Variants in DIAPH3 observed in about 807,000 individuals in gnomAD.
DIAPH3 encodes the protein diaphanous related formin 3.
In DIAPH3, 117 loss-of-function variants were observed where a neutral mutation model predicts 144.3. The ratio of observed to expected loss-of-function variants is 0.81; its 90% CI spans 0.70 to 0.95. The LOEUF is 0.95. DIAPH3 is among the 40% of genes least tolerant of loss of function. The pLI is 0.00. For missense variants in DIAPH3, 1,421 were observed against 1,412.7 expected (o/e 1.01, Z -0.09); for synonymous variants, 519 against 488.9 (o/e 1.06, Z -0.81).
intron 4 of DIAPH3, among the ~76,000 whole-genome samples, chr13:60,069,178 C>T (rs772166015): frequency 6.6e-6 from 1 of 151,966 alleles, no homozygotes; most frequent in African/African-American, 2.4e-5. Context: ...ACAGCCATTC[C>T]GACTGGTGTG....
intron 4 of DIAPH3, among the ~76,000 whole-genome samples, chr13:60,065,834 T>C (rs2056941741): frequency 6.6e-6 from 1 of 152,178 alleles, no homozygotes; most frequent in South Asian, 2.1e-4. Flanking sequence ...GGTAATTAAG[T>C]ATGTTTCTAA....
chr13:59,988,231 C>G (rs1164972069), intron 12 of DIAPH3, among the ~76,000 whole-genome samples: 2 of 151,768 alleles, frequency 1.3e-5, no homozygotes, highest in Non-Finnish European at 2.9e-5. Context: ...TCTATTTGTT[C>G]AAGTTCTTTC....
chr13:59,983,278 T>A (rs1001715099), intron 13 of DIAPH3, among the ~76,000 whole-genome samples: 1 of 150,838 alleles, frequency 6.6e-6, no homozygotes, highest in Non-Finnish European at 1.5e-5. Context: ...AATATTTTCT[T>A]ATTGAACTCT....
chr13:59,690,458 C>T (rs756630018), intron 27 of DIAPH3, among the ~76,000 whole-genome samples: 3 of 152,122 alleles, frequency 2.0e-5, no homozygotes, highest in Non-Finnish European at 4.4e-5. Context: ...CCCTAGACTG[C>T]ATTTTCTATA....
intron 27 of DIAPH3, among the ~76,000 whole-genome samples, chr13:59,708,339 T>C (rs765150674): frequency 1.2e-4 from 19 of 152,220 alleles, no homozygotes; most frequent in South Asian, 2.1e-4. Flanking sequence ...TTGAAAGAGT[T>C]ACCTACAATC....
At chr13:60,152,297 T>C (rs1951824517) in intron 1 of DIAPH3, among the ~76,000 whole-genome samples, 2 of 152,082 alleles carry the variant, frequency 1.3e-5, no homozygotes, top group Non-Finnish European at 2.9e-5. Flanking sequence ...CAAGAGGGTG[T>C]GTACTTAGAC....
At chr13:59,675,131 T>G (rs1321146026) in intron 27 of DIAPH3, among the ~76,000 whole-genome samples, 1 of 152,160 alleles carries the variant, frequency 6.6e-6, no homozygotes, top group East Asian at 1.9e-4. Flanking sequence ...GATGGTGCCA[T>G]GATGGCTCAT....
chr13:59,914,963 G>A (rs1027224513), intron 19 of DIAPH3, among the ~76,000 whole-genome samples: 2 of 152,122 alleles, frequency 1.3e-5, no homozygotes, highest in Non-Finnish European at 2.9e-5. Context: ...GGAGCTGAAT[G>A]TACTTTGGAC....
chr13:59,765,123 A>C (rs949018467), intron 27 of DIAPH3, among the ~76,000 whole-genome samples: 1 of 152,168 alleles, frequency 6.6e-6, no homozygotes, highest in Non-Finnish European at 1.5e-5. Flanking sequence ...CTATTTTAAA[A>C]ACAAAATTCT....
intron 17 of DIAPH3, among the ~76,000 whole-genome samples, chr13:59,938,453 G>A (rs753148185): frequency 2.0e-5 from 3 of 151,982 alleles, no homozygotes; most frequent in East Asian, 1.9e-4. Flanking sequence ...CACAAAAAAC[G>A]TAAAAATTAG....
At chr13:60,008,682 G>A in intron 8 of DIAPH3, 33 bp from the exon 9 acceptor site, 1 of 1,332,524 alleles carries the variant, frequency 7.5e-7, no homozygotes, top group South Asian at 1.2e-5. Context: ...TAAATTGCAA[G>A]TAGCAAACAC....
chr13:59,984,894 C>G (rs879507191), intron 12 of DIAPH3, among the ~76,000 whole-genome samples: 2 of 107,956 alleles, frequency 1.9e-5, no homozygotes, highest in African/African-American at 7.3e-5. Context: ...ACCAGAGGTA[C>G]AAGGAGGAAC....
At chr13:60,001,219 A>G (rs2052512542) in intron 9 of DIAPH3, among the ~76,000 whole-genome samples, 1 of 152,208 alleles carries the variant, frequency 6.6e-6, no homozygotes, top group African/African-American at 2.4e-5. Flanking sequence ...TTCCTCTCCT[A>G]CAGCACATCC....
At chr13:59,773,191 A>G (rs1159194408) in intron 27 of DIAPH3, among the ~76,000 whole-genome samples, 1 of 152,204 alleles carries the variant, frequency 6.6e-6, no homozygotes, top group African/African-American at 2.4e-5. Flanking sequence ...AGACTGCAGT[A>G]TATTTTTACC....
chr13:59,830,904 C>A (rs1033459893), intron 24 of DIAPH3, among the ~76,000 whole-genome samples: 1 of 151,802 alleles, frequency 6.6e-6, no homozygotes, highest in East Asian at 1.9e-4. Flanking sequence ...CATTTGGAAA[C>A]CCTCCAAACG....
chr13:59,890,656 C>T (rs1048810630), intron 20 of DIAPH3, among the ~76,000 whole-genome samples: 7 of 150,934 alleles, frequency 4.6e-5, no homozygotes, highest in African/African-American at 1.2e-4. Context: ...TCATCATATT[C>T]TTTCTCTCTT....
chr13:60,097,425 C>T (rs1266762573), intron 3 of DIAPH3, among the ~76,000 whole-genome samples: 1 of 152,148 alleles, frequency 6.6e-6, no homozygotes, highest in Non-Finnish European at 1.5e-5. Flanking sequence ...CCCTTGCCTC[C>T]TCTCTCACCA....
At chr13:59,860,800 T>C (rs1335340753) in intron 22 of DIAPH3, among the ~76,000 whole-genome samples, 1 of 152,070 alleles carries the variant, frequency 6.6e-6, no homozygotes, top group Non-Finnish European at 1.5e-5. Context: ...CAAAAAATTA[T>C]ATTTAAATCA....
At chr13:60,047,409 C>A (rs553925330) in intron 4 of DIAPH3, among the ~76,000 whole-genome samples, 16 of 152,082 alleles carry the variant, frequency 1.1e-4, no homozygotes, top group Admixed American at 2.6e-4. Flanking sequence ...TGATAAAGAA[C>A]AAAGTTGGGG....
Sources: gnomAD v4.1 joint callset for allele counts (sites outside exome capture counted in the v4.1 genomes callset) on GRCh38, gnomAD v4.1.1 for gene constraint, MANE v1.5 for transcripts, NCBI Gene and HGNC (gene_info 2026-07-23, HGNC 2026-07-21) for gene names.